The following ILDR2 variants were observed in gnomAD, a reference collection of about 807,000 sequenced individuals.
The protein encoded by ILDR2 is immunoglobulin like domain containing receptor 2.
A neutral mutation model predicts 66.8 loss-of-function variants in ILDR2; 25 were observed. The ratio of observed to expected loss-of-function variants is 0.37; its 90% CI spans 0.27 to 0.52. The LOEUF (loss-of-function observed/expected upper bound fraction) is 0.52, where lower values mean the gene tolerates loss of function less well. Among genes scored for constraint, ILDR2 ranks in the 20% least tolerant of loss-of-function variants. ILDR2 has a pLI of 0.88. For missense variants in ILDR2, 827 were observed against 876.8 expected, an observed-to-expected ratio of 0.94 and a Z score of 0.72; for synonymous variants, 367 against 357.2, an observed-to-expected ratio of 1.03 and a Z score of -0.31.
intron 1 of ILDR2, among the ~76,000 whole-genome samples, chr1:166,971,407 G>A (rs1663289087): frequency 1.3e-5 from 2 of 152,210 alleles, no homozygotes; most frequent in South Asian, 4.1e-4. Context: ...CAGCAGGGGT[G>A]TGGCTCTCAT....
At chr1:166,919,839 T>C (rs1490033155) in intron 9 of ILDR2, among the ~76,000 whole-genome samples, 2 of 152,118 alleles carry the variant, frequency 1.3e-5, no homozygotes, top group Non-Finnish European at 2.9e-5. Flanking sequence ...TACTAAACAC[T>C]AAAGAAAACG....
intron 6 of ILDR2, among the ~76,000 whole-genome samples, chr1:166,930,561 A>C (rs958918747): frequency 2.0e-5 from 3 of 152,224 alleles, no homozygotes; most frequent in African/African-American, 7.2e-5. Flanking sequence ...CAAATATACT[A>C]AACTATTCTC....
chr1:166,943,436 G>A (rs1334687820), intron 3 of ILDR2, among the ~76,000 whole-genome samples: 1 of 137,664 alleles, frequency 7.3e-6, no homozygotes, highest in Non-Finnish European at 1.5e-5. Context: ...AGCTTGCAGT[G>A]AGCCGAGATT....
At chr1:166,941,240 A>G (rs1661296648) in intron 3 of ILDR2, among the ~76,000 whole-genome samples, 2 of 152,318 alleles carry the variant, frequency 1.3e-5, no homozygotes, top group South Asian at 2.1e-4. Context: ...TCTGTCCCCC[A>G]TCTCATGCAG....
Position 166,909,758 on chromosome 1 carries a change from TAAATATATATAA to T in ILDR2, c.*9585_*9596del, listed in dbSNP as rs1659427706. The T allele has an allele frequency of 2.7e-5, 2 of 74,336 alleles. No homozygotes were observed. The highest frequency in any genetic ancestry group is 5.7e-4 in the East Asian group (1 of 1,766). 4.6% of individuals were successfully genotyped at this position (74,336 alleles called of 1,614,324 possible). ...ATACATATATATATATATATATATA[TAAATATATATAA>T]ATATATATATTTATATATATATATA... is the stretch of plus-strand genomic sequence containing the variant. On this transcript the variant is annotated 3_prime_UTR_variant, in exon 10 of 10. Transcript: ENST00000271417.
At chr1:166,929,758 G>T (rs1660522422) in intron 6 of ILDR2, among the ~76,000 whole-genome samples, 1 of 152,202 alleles carries the variant, frequency 6.6e-6, no homozygotes, top group Non-Finnish European at 1.5e-5. Flanking sequence ...AGGAGAAACT[G>T]GGAATAGAAA....
In ILDR2 at chr1:166,922,588, A is replaced by G; in HGVS notation, c.1211+5T>C. On this transcript the variant is annotated splice_donor_5th_base_variant and intron_variant, in intron 8 of 9. Coordinates refer to ENST00000271417, the MANE Select transcript of ILDR2 (RefSeq NM_199351.3). ...CCGACCAGACCTGCCCCTCACAGCC[A>G]TCACCTGTGCCTGAAGCTCTCTCGA... 6.2e-7 allele frequency: 1 copy of G among 1,612,850 alleles called. No individual in the cohort carries two copies. The highest frequency in any genetic ancestry group is 1.1e-5 in the South Asian group (1 of 91,024).
chr1:166,971,616 T>G (rs754667013), intron 1 of ILDR2, among the ~76,000 whole-genome samples: 2 of 152,180 alleles, frequency 1.3e-5, no homozygotes, highest in African/African-American at 4.8e-5. Context: ...CAAGCCATCG[T>G]GCCCGGCTAA....
Position 166,908,197 on chromosome 1 carries a change from A to T in ILDR2, c.*11158T>A, listed in dbSNP as rs1185285135. On this transcript the variant is annotated 3_prime_UTR_variant, in exon 10 of 10. Transcript: ENST00000271417. ...ATACCATAGACTAGGTGGCTTAAAT[A>T]TCAGAAATTTATTTCTCACAGTTCT... 6.6e-6 allele frequency: 1 copy of T among 152,250 alleles called. No homozygotes were observed. Among genetic ancestry groups the T allele is most frequent in the Admixed American group, 6.5e-5 (1 of 15,270 alleles). 9.4% of individuals were successfully genotyped at this position (152,250 alleles called of 1,614,324 possible).
intron 6 of ILDR2, among the ~76,000 whole-genome samples, chr1:166,930,561 A>G (rs958918747): frequency 2.0e-5 from 3 of 152,224 alleles, no homozygotes; most frequent in Non-Finnish European, 2.9e-5. Flanking sequence ...CAAATATACT[A>G]AACTATTCTC....
chr1:166,967,374 G>A (rs1405551606), intron 1 of ILDR2, among the ~76,000 whole-genome samples: 1 of 152,176 alleles, frequency 6.6e-6, no homozygotes, highest in Non-Finnish European at 1.5e-5. Flanking sequence ...TAGCAGCTTA[G>A]GCTATACTTT....
chr1:166,905,850 C>T (rs1232565495), downstream of ILDR2, among the ~76,000 whole-genome samples: 1 of 152,160 alleles, frequency 6.6e-6, no homozygotes, highest in Non-Finnish European at 1.5e-5. Context: ...AATCTGTGGC[C>T]ATACTCTATC....
intron 1 of ILDR2, among the ~76,000 whole-genome samples, chr1:166,971,493 C>T (rs1663296185): frequency 6.6e-6 from 1 of 152,192 alleles, no homozygotes; most frequent in African/African-American, 2.4e-5. Flanking sequence ...CAAGGTCTCA[C>T]TCTGTCACCC....
intron 2 of ILDR2, among the ~76,000 whole-genome samples, chr1:166,900,861 T>C (rs1659252601): frequency 6.6e-6 from 1 of 152,204 alleles, no homozygotes; most frequent in Non-Finnish European, 1.5e-5. Flanking sequence ...ACCGTTACTT[T>C]TATATTAAAA....
intron 2 of ILDR2, among the ~76,000 whole-genome samples, chr1:166,902,472 A>G (rs1018410142): frequency 6.6e-6 from 1 of 152,200 alleles, no homozygotes; most frequent in Non-Finnish European, 1.5e-5. Context: ...TTCCTTATTC[A>G]TCTAAGCCAA....
chr1:166,968,390 A>G (rs1663087594), intron 1 of ILDR2, among the ~76,000 whole-genome samples: 1 of 152,060 alleles, frequency 6.6e-6, no homozygotes, highest in South Asian at 2.1e-4. Context: ...TTCTTACAGC[A>G]GTCACAGTAC....
intron 4 of ILDR2, among the ~76,000 whole-genome samples, chr1:166,939,190 T>C (rs1030153969): frequency 3.9e-5 from 6 of 152,182 alleles, no homozygotes; most frequent in Non-Finnish European, 5.9e-5. Flanking sequence ...AAATACTGAT[T>C]CTATTAAAAA....
rs1055860540 is a variant in ILDR2 at position 166,911,569 on chromosome 1, G to C, written c.*7786C>G. 2.6e-5 allele frequency: 4 copies of C among 151,216 alleles called. No homozygotes were observed. The highest frequency in any genetic ancestry group is 9.7e-5 in the African/African-American group (4 of 41,106). The allele number at this position is 151,216 out of a possible 1,614,324, so 9.4% of individuals were successfully genotyped here. On this transcript the variant is annotated 3_prime_UTR_variant, in exon 10 of 10. Coordinates refer to ENST00000271417, the MANE Select transcript of ILDR2 (RefSeq NM_199351.3). ...GCAGAAGTAACAAACTCTAAAAGTA[G>C]ACCCACAAAGACTGTAGATATTGGA...
At chr1:166,947,288 G>A (rs1438200005) in intron 3 of ILDR2, among the ~76,000 whole-genome samples, 1 of 152,194 alleles carries the variant, frequency 6.6e-6, no homozygotes, top group Non-Finnish European at 1.5e-5. Context: ...GACTGCCACA[G>A]ATACAAAGAT....
Sources: gnomAD v4.1 joint callset for allele counts (sites outside exome capture counted in the v4.1 genomes callset) on GRCh38, gnomAD v4.1.1 for gene constraint, MANE v1.5 for transcripts, NCBI Gene and HGNC (gene_info 2026-07-23, HGNC 2026-07-21) for gene names.